Variants in FRYL observed in about 807,000 individuals in gnomAD.
The protein encoded by FRYL is FRY like transcription coactivator.
Under a neutral mutation model 351.2 loss-of-function variants are expected in FRYL, and 150 were observed. The ratio of observed to expected loss-of-function variants is 0.43; its 90% CI spans 0.37 to 0.49. The LOEUF is 0.49. Ranked by LOEUF, FRYL falls within the 20% of genes least tolerant of loss-of-function variation. FRYL has a pLI of 0.00. For missense variants in FRYL, 3,036 were observed against 3,619.3 expected, an observed-to-expected ratio of 0.84 and a Z score of 4.13; for synonymous variants, 1,153 against 1,257.1, an observed-to-expected ratio of 0.92 and a Z score of 1.75.
At chr4:48,578,735 C>G (rs1740230875) in intron 23 of FRYL, among the ~76,000 whole-genome samples, 1 of 152,116 alleles carries the variant, frequency 6.6e-6, no homozygotes, top group South Asian at 2.1e-4. Flanking sequence ...GTACCAAGTA[C>G]AGTGTTATTA....
chr4:48,551,693 T>C, intron 36 of FRYL, 115 bp from the exon 37 acceptor site: 1 of 659,824 alleles, frequency 1.5e-6, no homozygotes, highest in Non-Finnish European at 2.6e-6. Context: ...AGCAAAGTCA[T>C]TTAAAAAAAG....
chr4:48,601,074 A>C (rs904892208), intron 13 of FRYL, among the ~76,000 whole-genome samples: 1 of 152,162 alleles, frequency 6.6e-6, no homozygotes, highest in Admixed American at 6.6e-5. Context: ...CATCCAGTGG[A>C]TCATTCCTGA....
intron 34 of FRYL, 133 bp downstream of exon 34, chr4:48,557,319 AT>A: frequency 7.9e-7 from 1 of 1,261,742 alleles, no homozygotes; most frequent in Non-Finnish European, 1.1e-6. Context: ...AAAAATTCAT[AT>A]CTAATGAGTC....
intron 7 of FRYL, 58 bp downstream of exon 7, chr4:48,619,216 G>A (rs187512828): frequency 4.8e-5 from 51 of 1,068,012 alleles, no homozygotes; most frequent in Admixed American, 1.3e-4. Context: ...ACTGAAACAC[G>A]AAGGCACAGT....
intron 3 of FRYL, chr4:48,653,599 G>T: frequency 1.8e-6 from 1 of 565,120 alleles, no homozygotes; most frequent in Non-Finnish European, 2.7e-6. Context: ...TATTCTTCAT[G>T]CTATTTTCAA....
chr4:48,648,259 A>G (rs2149419785), intron 3 of FRYL, among the ~76,000 whole-genome samples: 2 of 152,262 alleles, frequency 1.3e-5, no homozygotes, highest in South Asian at 4.1e-4. Flanking sequence ...AAGCCCATCA[A>G]TGGTTACCTA....
rs146907203 is a variant in FRYL, at chr4:48,544,786, A to G, written c.5398T>C (p.Ser1800Pro). 13 of 1,594,342 alleles carry G rather than the reference A, an allele frequency of 8.2e-6. No individual in the cohort carries two copies. The East Asian group carries it at 2.7e-4, about 33-fold the overall frequency. Residue 1800 changes from serine to proline, a missense_variant, in exon 43 of 64, where the codon TCA becomes CCA. Physicochemically the swap from Ser to Pro is moderately conservative, Grantham distance 74. Transcript: ENST00000358350. ...HVVSVFKQSS[S>P]EGIHLEHHLS... ...TAAAATATTTCTTAAAAGATACCTGAGCTTGACTGCTTAAAAACAGAAACC... is the reference window on the plus strand; with the variant it reads ...TAAAATATTTCTTAAAAGATACCTGGGCTTGACTGCTTAAAAACAGAAACC...
intron 19 of FRYL, 65 bp downstream of exon 19, chr4:48,586,556 G>T: frequency 9.8e-7 from 1 of 1,017,108 alleles, no homozygotes; most frequent in Non-Finnish European, 1.6e-6. Context: ...AGTAACAAAG[G>T]TATATTAGAA....
chr4:48,711,449 G>A (rs1349864838), intron 1 of FRYL, among the ~76,000 whole-genome samples: 10 of 152,268 alleles, frequency 6.6e-5, no homozygotes, highest in African/African-American at 2.4e-4. Context: ...CGACCACGGA[G>A]TCTCACTGAT....
At chr4:48,580,439 TA>T (rs1740640038) in intron 22 of FRYL, 1 of 165,962 alleles carries the variant, frequency 6.0e-6, no homozygotes, top group African/African-American at 2.4e-5. Flanking sequence ...CCACTATACT[TA>T]AACTTATGTG....
chr4:48,686,844 A>G (rs1294721553), intron 2 of FRYL, among the ~76,000 whole-genome samples: 4 of 152,210 alleles, frequency 2.6e-5, no homozygotes, highest in Non-Finnish European at 4.4e-5. Flanking sequence ...ACTTCTCAAT[A>G]TTTGAATATT....
intron 3 of FRYL, among the ~76,000 whole-genome samples, chr4:48,639,042 A>C (rs1754823091): frequency 6.6e-6 from 1 of 152,082 alleles, no homozygotes; most frequent in Non-Finnish European, 1.5e-5. Flanking sequence ...CCAACATGGC[A>C]TGTGTATACC....
chr4:48,502,874 A>G (rs748993095), intron 60 of FRYL, 29 bp from the exon 61 acceptor site: 23 of 1,595,930 alleles, frequency 1.4e-5, no homozygotes, highest in Non-Finnish European at 1.9e-5. Context: ...AGGTCACAAA[A>G]AATACAAAGG....
chr4:48,609,763 G>A lies in FRYL; in HGVS notation c.472C>T (p.His158Tyr). ...ACTTACCCTTCCTTATGTTTAAAGT[G>A]CTTAAAAGCTAAGTTTAGAACTTCA... ...VHEVLNLAFK[H>Y]FKHKEGYSGT... The change falls in exon 8 of 64, where the codon CAC becomes TAC. Residue 158 changes from histidine to tyrosine, a missense_variant. Transcript: ENST00000358350. 1 of 1,579,434 alleles carries A rather than the reference G, an allele frequency of 6.3e-7. No individual in the cohort carries two copies. The highest frequency in any genetic ancestry group is 8.6e-7 in the Non-Finnish European group (1 of 1,156,366).
At chr4:48,516,590 G>A (rs921337441) in intron 55 of FRYL, among the ~76,000 whole-genome samples, 5 of 152,078 alleles carry the variant, frequency 3.3e-5, no homozygotes, top group Admixed American at 2.6e-4. Context: ...TCCAAAATAA[G>A]AAAAGTAAGA....
chr4:48,596,292 A>G (rs1308565969), intron 13 of FRYL, among the ~76,000 whole-genome samples: 1 of 152,102 alleles, frequency 6.6e-6, no homozygotes, highest in African/African-American at 2.4e-5. Context: ...ATACAAACAA[A>G]CTTACTTGAT....
intron 4 of FRYL, among the ~76,000 whole-genome samples, chr4:48,624,075 A>T (rs1393970018): frequency 6.6e-6 from 1 of 152,170 alleles, no homozygotes; most frequent in African/African-American, 2.4e-5. Context: ...AAGAAAGAGT[A>T]TTTCATTAAA....
intron 1 of FRYL, among the ~76,000 whole-genome samples, chr4:48,729,248 G>A (rs1158538695): frequency 1.3e-5 from 2 of 152,238 alleles, no homozygotes; most frequent in African/African-American, 2.4e-5. Flanking sequence ...CCAACTGGGC[G>A]GAGCCCACCA....
At chr4:48,593,271 C>CAAAAA (rs35026740) in intron 16 of FRYL, among the ~76,000 whole-genome samples, 17 of 133,718 alleles carry the variant, frequency 1.3e-4, no homozygotes, top group Admixed American at 2.3e-4. Context: ...AAAAAACAAC[C>CAAAAA]AAAAAAAAAA....
Sources: allele counts gnomAD v4.1 joint callset (sites outside exome capture counted in the v4.1 genomes callset), GRCh38; gene constraint gnomAD v4.1.1; transcripts MANE v1.5; gene names NCBI Gene and HGNC (gene_info 2026-07-23, HGNC 2026-07-21).